The following LRRC4C variants were observed in gnomAD, a reference collection of about 807,000 sequenced individuals.
LRRC4C encodes leucine-rich repeat-containing protein 4C.
Under a neutral mutation model 33.6 loss-of-function variants are expected in LRRC4C, and 5 were observed. The observed-to-expected ratio is 0.15, with a 90% CI of 0.08 to 0.31. The LOEUF is 0.31. Among genes scored for constraint, LRRC4C ranks in the 10% least tolerant of loss-of-function variants. The probability of loss-of-function intolerance (pLI) is 1.00; values close to 1 mark genes in which losing one functional copy is unlikely to be tolerated. For synonymous variants in LRRC4C, 329 were observed against 302.0 expected (o/e 1.09, Z -0.93); for missense variants, 560 against 796.7 (o/e 0.70, Z 3.58).
intron 5 of LRRC4C, among the ~76,000 whole-genome samples, chr11:40,143,158 T>C (rs1857488885): frequency 6.6e-6 from 1 of 152,084 alleles, no homozygotes; most frequent in East Asian, 1.9e-4. Flanking sequence ...CAGTATTCTG[T>C]TTTTTTCTCC....
Position 40,612,230 on chromosome 11 carries a change from AG to A in LRRC4C, c.-270+35911del, listed in dbSNP as rs764613877. On this transcript the variant is annotated intron_variant, in intron 3 of 6. Transcript: ENST00000528697. ...GCCTTAAAAAGAAGAAAATCTTATCAGCTGCTACTACATTGATGAACCTTGA... is the reference window on the plus strand; with the variant it reads ...GCCTTAAAAAGAAGAAAATCTTATCACTGCTACTACATTGATGAACCTTGA... Among the ~76,000 whole-genome samples, 251 of 152,082 alleles carry A rather than the reference AG, an allele frequency of 1.7e-3. 1 individual carries two copies. The highest frequency in any genetic ancestry group is 2.6e-3 in the Non-Finnish European group (174 of 67,884).
chr11:41,365,598 A>G (rs1391430202), intron 1 of LRRC4C, among the ~76,000 whole-genome samples: 1 of 152,120 alleles, frequency 6.6e-6, no homozygotes, highest in African/African-American at 2.4e-5. Flanking sequence ...AGTCCTTTAT[A>G]TAATCTTGTT....
intron 1 of LRRC4C, among the ~76,000 whole-genome samples, chr11:41,244,201 AAAAG>A (rs1001069649): frequency 4.5e-5 from 6 of 132,892 alleles, no homozygotes; most frequent in African/African-American, 1.7e-4. Context: ...ATCGATCGTA[AAAAG>A]AAAGAAAGAG....
At chr11:40,947,689 C>A (rs1255519623) in intron 1 of LRRC4C, among the ~76,000 whole-genome samples, 1 of 152,000 alleles carries the variant, frequency 6.6e-6, no homozygotes, top group Admixed American at 6.6e-5. Context: ...TTCTCTCATT[C>A]TCTCTCACTC....
rs546391466 is a variant in LRRC4C, at chr11:40,717,567, G to T, written c.-406-69289C>A. On this transcript the variant is annotated intron_variant, in intron 2 of 6. Transcript: ENST00000528697. Reference sequence around the variant, plus strand: ...GAAAATAACATGGGGTTCTTTTTTTGGGGGGGTACAGATTAGGTACCAGTC... The same window carrying T: ...GAAAATAACATGGGGTTCTTTTTTTTGGGGGGTACAGATTAGGTACCAGTC... 4.6e-5 allele frequency among the ~76,000 whole-genome samples: 7 copies of T among 151,540 alleles called. No homozygotes were observed. The East Asian group carries it at 9.7e-4, about 21-fold the overall frequency.
At chr11:40,982,703 T>A (rs1038334391) in intron 1 of LRRC4C, among the ~76,000 whole-genome samples, 1 of 152,166 alleles carries the variant, frequency 6.6e-6, no homozygotes, top group African/African-American at 2.4e-5. Context: ...ATTTGCAAGA[T>A]GTGCAGGTTT....
chr11:40,884,737 T>C (rs1472964236), intron 2 of LRRC4C, among the ~76,000 whole-genome samples: 1 of 152,148 alleles, frequency 6.6e-6, no homozygotes, highest in Non-Finnish European at 1.5e-5. Flanking sequence ...TGTAAATGTA[T>C]ACAATACTTC....
intron 1 of LRRC4C, among the ~76,000 whole-genome samples, chr11:41,153,490 T>G (rs1944091429): frequency 6.6e-6 from 1 of 152,166 alleles, no homozygotes; most frequent in Admixed American, 6.5e-5. Flanking sequence ...TAACCTCAAA[T>G]ATTAAGTACA....
At chr11:40,485,239 G>C (rs1953794295) in intron 3 of LRRC4C, among the ~76,000 whole-genome samples, 1 of 118,860 alleles carries the variant, frequency 8.4e-6, no homozygotes, top group Non-Finnish European at 1.8e-5. Context: ...AAAATATGGT[G>C]ATAAGAGGGA....
intron 1 of LRRC4C, among the ~76,000 whole-genome samples, chr11:41,429,704 C>T (rs556807045): frequency 3.2e-4 from 49 of 151,832 alleles, no homozygotes; most frequent in Middle Eastern, 3.4e-3. Context: ...TAAGCAGGGC[C>T]GACTATGAAA....
intron 5 of LRRC4C, among the ~76,000 whole-genome samples, chr11:40,233,811 G>C (rs1865368839): frequency 6.6e-6 from 1 of 152,084 alleles, no homozygotes; most frequent in Non-Finnish European, 1.5e-5. Flanking sequence ...GGTATTTGAA[G>C]GGGTAATGTT....
At chr11:40,385,767 T>C (rs1427263062) in intron 3 of LRRC4C, among the ~76,000 whole-genome samples, 6 of 151,866 alleles carry the variant, frequency 4.0e-5, no homozygotes, top group Admixed American at 1.3e-4. Context: ...CTCGGGAGGC[T>C]GAGGCAGGAG....
chr11:40,477,430 T>C (rs1342777981), intron 3 of LRRC4C, among the ~76,000 whole-genome samples: 2 of 152,172 alleles, frequency 1.3e-5, no homozygotes, highest in Non-Finnish European at 2.9e-5. Flanking sequence ...AACCCACCTC[T>C]TCTTGGAAGT....
At chr11:41,286,704 A>G (rs1471990479) in intron 1 of LRRC4C, among the ~76,000 whole-genome samples, 1 of 148,754 alleles carries the variant, frequency 6.7e-6, no homozygotes, top group East Asian at 2.0e-4. Context: ...AGGTAATGTT[A>G]CTTTGCTTTT....
At chr11:40,612,186 T>A (rs563192424) in intron 3 of LRRC4C, among the ~76,000 whole-genome samples, 50 of 151,874 alleles carry the variant, frequency 3.3e-4, no homozygotes, top group Non-Finnish European at 6.3e-4. Flanking sequence ...GGTATATACA[T>A]GCAATATAAT....
intron 5 of LRRC4C, among the ~76,000 whole-genome samples, chr11:40,200,984 C>T (rs1248631004): frequency 1.3e-5 from 2 of 152,050 alleles, no homozygotes; most frequent in Non-Finnish European, 2.9e-5. Context: ...TCTGAAGTAG[C>T]CAGCTGAACA....
rs1038074346 is a variant in LRRC4C at position 40,844,040 on chromosome 11, A to C, written c.-407+89595T>G. ...GACATTATTGGTGCTCTAGTCACTT[A>C]TTTTTGATTCTATGAGCAGGTAGCC... is the stretch of plus-strand genomic sequence containing the variant. On this transcript the variant is annotated intron_variant, in intron 2 of 6. Transcript: ENST00000528697. Among the ~76,000 whole-genome samples the C allele has an allele frequency of 2.6e-5, 4 of 152,108 alleles. No homozygotes were observed. In the East Asian group the frequency reaches 5.8e-4, roughly 22 times the overall value.
chr11:41,065,197 C>T (rs1354138641), intron 1 of LRRC4C, among the ~76,000 whole-genome samples: 2 of 147,156 alleles, frequency 1.4e-5, no homozygotes, highest in African/African-American at 2.5e-5. Context: ...GGAGTCCACC[C>T]GGGAACAGGT....
At chr11:40,819,092 G>A (rs73472606) in intron 2 of LRRC4C, among the ~76,000 whole-genome samples, 3,791 of 152,162 alleles carry the variant, frequency 0.025, 89 homozygotes, top group African/African-American at 0.06. Flanking sequence ...CCAATGATAC[G>A]TAATCCTGTT....
Sources: allele counts gnomAD v4.1 joint callset (sites outside exome capture counted in the v4.1 genomes callset), GRCh38; gene constraint gnomAD v4.1.1; transcripts MANE v1.5; gene names NCBI Gene and HGNC (gene_info 2026-07-23, HGNC 2026-07-21).